The following YAP1 variants were observed in gnomAD, a reference collection of about 807,000 sequenced individuals.
The protein encoded by YAP1 is Yes1 associated transcriptional regulator.
In YAP1, 5 loss-of-function variants were observed where a neutral mutation model predicts 56.9. The observed-to-expected ratio is 0.09, with a 90% CI of 0.05 to 0.18. The LOEUF (loss-of-function observed/expected upper bound fraction) is 0.18. Ranked by LOEUF, YAP1 falls within the 10% of genes least tolerant of loss-of-function variation. The probability of loss-of-function intolerance (pLI) is 1.00; values close to 1 mark genes in which losing one functional copy is unlikely to be tolerated. For synonymous variants in YAP1, 265 were observed against 248.1 expected, an observed-to-expected ratio of 1.07 and a Z score of -0.64; for missense variants, 539 against 651.8, an observed-to-expected ratio of 0.83 and a Z score of 1.88.
In YAP1 at chr11:102,110,934, C is replaced by G; in HGVS notation, c.86C>G (p.Pro29Arg). 1 of 1,468,058 alleles carries G rather than the reference C, an allele frequency of 6.8e-7. No homozygotes were observed. Among genetic ancestry groups the G allele is most frequent in the South Asian group, 1.4e-5 (1 of 73,954 alleles). The allele number at this position is 1,468,058 out of a possible 1,614,324, so 90.9% of individuals were successfully genotyped here. ...TCGCAGCCCCCGCAGGGGCAGGGCC[C>G]GCCGTCCGGACCCGGGCAACCGGCA... ...PPSQPPQGQG[P>R]PSGPGQPAPA... Residue 29 changes from proline (P) to arginine (R), a missense_variant, in exon 1 of 9, where the codon CCG (proline) becomes CGG (arginine). Transcript: ENST00000282441.
At chr11:102,133,005 A>G (rs963450610) in intron 2 of YAP1, among the ~76,000 whole-genome samples, 1 of 152,060 alleles carries the variant, frequency 6.6e-6, no homozygotes, top group Non-Finnish European at 1.5e-5. Context: ...TAAAAATACA[A>G]AAATTATCTG....
intron 4 of YAP1, among the ~76,000 whole-genome samples, chr11:102,196,122 T>C (rs1052868759): frequency 6.6e-6 from 1 of 152,094 alleles, no homozygotes; most frequent in Non-Finnish European, 1.5e-5. Context: ...CTTTGGAAAA[T>C]AGAATGACAG....
chr11:102,136,960 A>C (rs1034252422), intron 2 of YAP1, among the ~76,000 whole-genome samples: 1 of 152,180 alleles, frequency 6.6e-6, no homozygotes, highest in Non-Finnish European at 1.5e-5. Flanking sequence ...TCTTTGTTGT[A>C]GTCAGATAAA....
chr11:102,126,687 G>A (rs112449375), intron 2 of YAP1, among the ~76,000 whole-genome samples: 2,300 of 152,270 alleles, frequency 0.015, 62 homozygotes, highest in African/African-American at 0.053. Context: ...AAAGTGGGGC[G>A]TTGCTGAAAA....
chr11:102,196,191 T>C (rs1478057821), intron 4 of YAP1, among the ~76,000 whole-genome samples: 7 of 152,126 alleles, frequency 4.6e-5, no homozygotes, highest in Admixed American at 4.6e-4. Context: ...TTCCTCGGTA[T>C]AGAGGCTAAA....
At chr11:102,205,308 G>T (rs1278616639) in intron 4 of YAP1, among the ~76,000 whole-genome samples, 3 of 152,154 alleles carry the variant, frequency 2.0e-5, no homozygotes, top group Middle Eastern at 3.2e-3. Context: ...TGTGTATGTG[G>T]ATATATTAAG....
intron 3 of YAP1, among the ~76,000 whole-genome samples, chr11:102,173,858 G>A (rs1947068484): frequency 6.6e-6 from 1 of 152,176 alleles, no homozygotes; most frequent in Admixed American, 6.5e-5. Flanking sequence ...CCACTGAATA[G>A]TACTTTTGCT....
At chr11:102,112,354 C>A in intron 1 of YAP1, 1 of 948,774 alleles carries the variant, frequency 1.1e-6, no homozygotes, top group African/African-American at 1.8e-5. Flanking sequence ...TGAGTGTTAA[C>A]ATTCCAATAG....
chr11:102,172,300 ATTTTTTTTTTTTTT>A (rs752185861), intron 3 of YAP1, among the ~76,000 whole-genome samples: 3 of 110,820 alleles, frequency 2.7e-5, no homozygotes, highest in Admixed American at 9.0e-5. Context: ...ACAGTGAAGA[ATTTTTTTTTTTTTT>A]TTTTTTTTTT....
rs143769577 is a variant in YAP1, at chr11:102,179,348, G to A, written c.689-6670G>A. On this transcript the variant is annotated intron_variant, in intron 3 of 8. Coordinates refer to ENST00000282441, the MANE Select transcript of YAP1 (RefSeq NM_001130145.3). ...TGTAAAAGTTATTTGGGGTGAAAAT[G>A]TGTATTATCCATTCTCACCAATCTA... Among the ~76,000 whole-genome samples the A allele has an allele frequency of 4.7e-3, 714 of 152,236 alleles. 6 individuals carry two copies. The highest frequency in any genetic ancestry group is 0.016 in the African/African-American group (683 of 41,532).
At chr11:102,115,005 G>A (rs1565418249) in intron 2 of YAP1, among the ~76,000 whole-genome samples, 1 of 152,120 alleles carries the variant, frequency 6.6e-6, no homozygotes, top group Admixed American at 6.5e-5. Context: ...TTTCAAGCTA[G>A]TAGGTCTTCA....
At chr11:102,186,396 C>T (rs1439930891) in intron 4 of YAP1, 2 of 336,184 alleles carry the variant, frequency 5.9e-6, no homozygotes, top group South Asian at 3.2e-5. Flanking sequence ...TTGTTCCTTT[C>T]ACATTTTGGG....
intron 2 of YAP1, among the ~76,000 whole-genome samples, chr11:102,124,216 G>T (rs777016575): frequency 9.9e-5 from 15 of 152,058 alleles, no homozygotes; most frequent in African/African-American, 3.6e-4. Flanking sequence ...GCCTCCCAAA[G>T]TGCTGGGATT....
intron 3 of YAP1, among the ~76,000 whole-genome samples, chr11:102,165,081 A>G (rs1230989936): frequency 6.6e-6 from 1 of 152,122 alleles, no homozygotes; most frequent in Non-Finnish European, 1.5e-5. Flanking sequence ...TGTCCTGGGC[A>G]GGTACAGTGG....
At chr11:102,145,115 A>G (rs535094580) in intron 2 of YAP1, among the ~76,000 whole-genome samples, 2 of 152,326 alleles carry the variant, frequency 1.3e-5, no homozygotes, top group African/African-American at 4.8e-5. Flanking sequence ...GAGTATTAGC[A>G]AGAGTTGTAA....
chr11:102,122,791 G>T (rs1943741438), intron 2 of YAP1, among the ~76,000 whole-genome samples: 1 of 150,642 alleles, frequency 6.6e-6, no homozygotes, highest in African/African-American at 2.4e-5. Context: ...CTACTTGGGA[G>T]GCAGAGGCAG....
intron 2 of YAP1, among the ~76,000 whole-genome samples, chr11:102,151,172 A>C (rs570395510): frequency 6.6e-6 from 1 of 152,192 alleles, no homozygotes; most frequent in South Asian, 2.1e-4. Context: ...CTTCTCAACA[A>C]GGGATGATTT....
intron 3 of YAP1, 82 bp downstream of exon 3, chr11:102,162,653 G>T: frequency 7.5e-7 from 1 of 1,331,670 alleles, no homozygotes; most frequent in Admixed American, 1.7e-5. Flanking sequence ...GTCATTACTC[G>T]TTTACAGAAA....
intron 7 of YAP1, among the ~76,000 whole-genome samples, chr11:102,224,197 G>C (rs1950085080): frequency 6.6e-6 from 1 of 152,164 alleles, no homozygotes; most frequent in Non-Finnish European, 1.5e-5. Context: ...ATGTTCTTAA[G>C]GGCTATAGTC....
Sources: allele counts gnomAD v4.1 joint callset (sites outside exome capture counted in the v4.1 genomes callset), GRCh38; gene constraint gnomAD v4.1.1; transcripts MANE v1.5; gene names NCBI Gene and HGNC (gene_info 2026-07-23, HGNC 2026-07-21).